Variants in MLLT10 observed in about 807,000 individuals in gnomAD.
The protein encoded by MLLT10 is MLLT10 histone lysine methyltransferase DOT1L cofactor, also known as protein AF-10.
A neutral mutation model predicts 129.1 loss-of-function variants in MLLT10; 30 were observed. The ratio of observed to expected loss-of-function variants is 0.23; its 90% CI spans 0.17 to 0.32. MLLT10 has a LOEUF of 0.32. Ranked by LOEUF, MLLT10 falls within the 10% of genes least tolerant of loss-of-function variation. The pLI, the probability that MLLT10 is intolerant of heterozygous loss-of-function variation, is 1.00. For missense variants in MLLT10, 1,119 were observed against 1,268.3 expected, an observed-to-expected ratio of 0.88 and a Z score of 1.79; for synonymous variants, 490 against 446.4, an observed-to-expected ratio of 1.10 and a Z score of -1.23.
intron 8 of MLLT10, among the ~76,000 whole-genome samples, chr10:21,620,591 A>G (rs1238547848): frequency 1.3e-5 from 2 of 152,206 alleles, no homozygotes; most frequent in African/African-American, 4.8e-5. Flanking sequence ...GATACTGTTC[A>G]TAAGATATAC....
At chr10:21,597,520 C>A (rs534550939) in intron 5 of MLLT10, among the ~76,000 whole-genome samples, 9 of 152,284 alleles carry the variant, frequency 5.9e-5, no homozygotes, top group African/African-American at 9.6e-5. Flanking sequence ...CAGGTGTACA[C>A]CACCACATCC....
intron 8 of MLLT10, among the ~76,000 whole-genome samples, chr10:21,631,279 A>G (rs1317198753): frequency 4.9e-5 from 7 of 143,718 alleles, no homozygotes; most frequent in Middle Eastern, 3.8e-3. Context: ...GTGCCACTGC[A>G]CTCCAGCCTG....
intron 8 of MLLT10, among the ~76,000 whole-genome samples, chr10:21,633,849 A>G (rs2047218067): frequency 1.3e-5 from 2 of 152,230 alleles, no homozygotes; most frequent in Admixed American, 1.3e-4. Flanking sequence ...TAAAAAACAT[A>G]TAATCCATAA....
intron 9 of MLLT10, among the ~76,000 whole-genome samples, chr10:21,666,700 A>C (rs559155911): frequency 6.6e-6 from 1 of 152,068 alleles, no homozygotes; most frequent in South Asian, 2.1e-4. Flanking sequence ...ATAATGGAAC[A>C]AGTCTTTATT....
rs1215009205 is a variant in MLLT10 at position 21,590,070 on chromosome 10, A to G, written c.295+3722A>G. 2.6e-5 allele frequency among the ~76,000 whole-genome samples: 4 copies of G among 152,070 alleles called. No homozygotes were observed. In the East Asian group the frequency reaches 5.8e-4, roughly 22 times the overall value. On this transcript the variant is annotated intron_variant, in intron 4 of 22. Coordinates refer to ENST00000307729, the MANE Select transcript of MLLT10 (RefSeq NM_001195626.3). ...TGCCTCAGCCTCCTGAATAGGTGGGACCACAGGCACACCATGCCTGGCTAA... is the reference window on the plus strand; with the variant it reads ...TGCCTCAGCCTCCTGAATAGGTGGGGCCACAGGCACACCATGCCTGGCTAA...
At chr10:21,536,937 C>T (rs2034132531) in intron 2 of MLLT10, among the ~76,000 whole-genome samples, 1 of 152,094 alleles carries the variant, frequency 6.6e-6, no homozygotes, top group Admixed American at 6.5e-5. Flanking sequence ...GCATGGACCA[C>T]CATGCCCTGC....
intron 3 of MLLT10, among the ~76,000 whole-genome samples, chr10:21,539,483 T>C (rs1188303892): frequency 2.0e-5 from 3 of 150,496 alleles, no homozygotes; most frequent in Non-Finnish European, 4.4e-5. Context: ...CTTATAAGAA[T>C]GAAGGAGGTG....
chr10:21,580,082 G>A lies in MLLT10; in HGVS notation c.241-6212G>A, dbSNP rs115527626. On this transcript the variant is annotated intron_variant, in intron 3 of 22. Transcript: ENST00000307729. ...TTTGCCCAGGCTGGAGTGCAGTATT[G>A]CTATTATATTACTGCAGCCTCAAAC... Among the ~76,000 whole-genome samples the A allele has an allele frequency of 3.8e-3, 560 of 147,128 alleles. 4 individuals carry two copies. Among genetic ancestry groups the A allele is most frequent in the African/African-American group, 0.014 (550 of 39,928 alleles).
intron 3 of MLLT10, among the ~76,000 whole-genome samples, chr10:21,571,214 T>C (rs920291209): frequency 6.6e-6 from 1 of 152,252 alleles, no homozygotes; most frequent in Non-Finnish European, 1.5e-5. Flanking sequence ...TCTAATTCTT[T>C]TGGTGATTTC....
chr10:21,688,564 C>T lies in MLLT10; in HGVS notation c.1699+6307C>T, dbSNP rs777309150. The T allele has an allele frequency of 3.8e-6, 6 of 1,597,072 alleles. No homozygotes were observed. In the East Asian group the frequency reaches 1.1e-4, roughly 30 times the overall value. On this transcript the variant is annotated intron_variant, in intron 13 of 22. Coordinates refer to ENST00000307729, the MANE Select transcript of MLLT10 (RefSeq NM_001195626.3). ...GTATGTACCAAACTCCAGCATGGTT[C>T]TAAACATAATAGTGTTAAATTAATC... is the stretch of plus-strand genomic sequence containing the variant.
At chr10:21,656,916 A>G (rs2049647311) in intron 9 of MLLT10, among the ~76,000 whole-genome samples, 1 of 152,204 alleles carries the variant, frequency 6.6e-6, no homozygotes, top group Non-Finnish European at 1.5e-5. Context: ...GATGGAACAC[A>G]TAGGATTCTG....
chr10:21,618,754 C>T (rs996159352), intron 8 of MLLT10, among the ~76,000 whole-genome samples: 3 of 151,472 alleles, frequency 2.0e-5, no homozygotes, highest in Non-Finnish European at 4.4e-5. Flanking sequence ...GTGTCTCAGC[C>T]TCCCTAGTAA....
intron 13 of MLLT10, among the ~76,000 whole-genome samples, chr10:21,707,906 T>G (rs999580478): frequency 3.3e-5 from 5 of 152,238 alleles, no homozygotes; most frequent in African/African-American, 1.2e-4. Flanking sequence ...CTTTGTCTAG[T>G]TAACACCTAC....
chr10:21,726,899 TA>T (rs967221444), intron 15 of MLLT10, among the ~76,000 whole-genome samples: 1 of 152,112 alleles, frequency 6.6e-6, no homozygotes, highest in Admixed American at 6.5e-5. Flanking sequence ...CAAACTTGGT[TA>T]AAAAAATCCT....
intron 8 of MLLT10, among the ~76,000 whole-genome samples, chr10:21,649,488 A>G (rs1281143462): frequency 1.3e-5 from 2 of 152,352 alleles, no homozygotes; most frequent in Admixed American, 6.5e-5. Flanking sequence ...TTAGTGGCTT[A>G]TTAAGCGGTG....
intron 2 of MLLT10, 65 bp downstream of exon 2, chr10:21,534,869 T>A: frequency 8.7e-7 from 1 of 1,149,358 alleles, no homozygotes; most frequent in East Asian, 4.5e-5. Context: ...CGCCCCCACC[T>A]GGGCCGCAAC....
At chr10:21,615,888 C>T (rs140820778) in intron 7 of MLLT10, among the ~76,000 whole-genome samples, 207 of 152,156 alleles carry the variant, frequency 1.4e-3, no homozygotes, top group African/African-American at 4.8e-3. Flanking sequence ...CCTGAAGTCC[C>T]GAGTATCTAC....
chr10:21,672,673 T>C (rs2051589373), intron 10 of MLLT10, among the ~76,000 whole-genome samples: 1 of 152,214 alleles, frequency 6.6e-6, no homozygotes, highest in African/African-American at 2.4e-5. Flanking sequence ...TAAGCAGTGA[T>C]GGCTGATTTC....
In MLLT10 at chr10:21,737,944, T is replaced by G. The variant is rs757849987; in HGVS notation, c.2956-2086T>G. ...TTTTCAGTCTGTTTTTAGAGTGGTG[T>G]TAAAGGCACACTGCATGTAAGTGTA... is the stretch of plus-strand genomic sequence containing the variant. On this transcript the variant is annotated intron_variant, in intron 21 of 22. Transcript: ENST00000307729. Among the ~76,000 whole-genome samples, 31 of 152,154 alleles carry G rather than the reference T, an allele frequency of 2.0e-4. 1 individual carries two copies. The highest frequency in any genetic ancestry group is 3.2e-3 in the Middle Eastern group (1 of 316).
Sources: allele counts gnomAD v4.1 joint callset (sites outside exome capture counted in the v4.1 genomes callset), GRCh38; gene constraint gnomAD v4.1.1; transcripts MANE v1.5; gene names NCBI Gene and HGNC (gene_info 2026-07-23, HGNC 2026-07-21).